The following CEP131 variants were observed in gnomAD, a reference collection of about 807,000 sequenced individuals.
CEP131 encodes the protein centrosomal protein 131, also known as centrosomal protein of 131 kDa.
Under a neutral mutation model 136.8 loss-of-function variants are expected in CEP131, and 99 were observed. The ratio of observed to expected loss-of-function variants is 0.72; its 90% CI spans 0.62 to 0.86. The LOEUF is 0.86. Among genes scored for constraint, CEP131 ranks in the 40% least tolerant of loss-of-function variants. CEP131 has a pLI of 0.00. For missense variants in CEP131, 1,459 were observed against 1,463.0 expected (o/e 1.00, Z 0.04); for synonymous variants, 646 against 612.7 (o/e 1.05, Z -0.80).
At chr17:81,192,686 T>TGGCCA in intron 19 of CEP131, 50 bp downstream of exon 19, 1 of 563,862 alleles carries the variant, frequency 1.8e-6, no homozygotes, top group Non-Finnish European at 3.2e-6. Context: ...GGGGGAGGGG[T>TGGCCA]CAGCCAGCGA....
intron 10 of CEP131, 110 bp downstream of exon 10, chr17:81,199,271 G>A (rs971949419): frequency 3.0e-5 from 39 of 1,302,926 alleles, no homozygotes; most frequent in African/African-American, 3.0e-4. Flanking sequence ...GACTGGGGCC[G>A]CCAACATGGG....
In CEP131 at chr17:81,193,907, GCCTGGGGCCACCACCCA is replaced by G; in HGVS notation, c.2321+2_2321+18del. The G allele has an allele frequency of 1.3e-6, 2 of 1,531,906 alleles. No individual in the cohort carries two copies. The highest frequency in any genetic ancestry group is 4.5e-4 in the Middle Eastern group (2 of 4,494). 94.9% of individuals were successfully genotyped at this position (1,531,906 alleles called of 1,614,324 possible). On this transcript the variant is annotated splice_donor_variant and splice_donor_5th_base_variant and intron_variant, in intron 18 of 25. Coordinates refer to ENST00000450824, the MANE Select transcript of CEP131 (RefSeq NM_014984.4). LOFTEE classifies it high-confidence loss of function. ...CGCCCTGAGGGTCCTGGCCCCACCG[GCCTGGGGCCACCACCCA>G]CCGCTGCCGAGCACGTTCGCGCTCC...
intron 1 of CEP131, among the ~76,000 whole-genome samples, chr17:81,220,860 C>T (rs1368057214): frequency 6.6e-6 from 1 of 151,810 alleles, no homozygotes; most frequent in East Asian, 2.0e-4. Flanking sequence ...CAGTGGCTCA[C>T]TCCTGTAATC....
chr17:81,198,414 T>G, intron 11 of CEP131, 117 bp from the exon 12 acceptor site: 3 of 1,103,398 alleles, frequency 2.7e-6, no homozygotes, highest in Admixed American at 2.8e-5. Flanking sequence ...AGTCCCGACA[T>G]TCAGCCCCAG....
At position 81,198,909 on chromosome 17, in the gene CEP131, C is replaced by G; in HGVS notation, c.1255G>C (p.Glu419Gln). 2.5e-6 allele frequency: 4 copies of G among 1,593,464 alleles called. No homozygotes were observed. Among genetic ancestry groups the G allele is most frequent in the Non-Finnish European group, 3.4e-6 (4 of 1,171,016 alleles). ...RCLPTSDSSP[E>Q]PQQPPEDRTQ... ...CTGTCCTCTGGAGGCTGCTGTGGTT[C>G]TGGGGATGAGTCGGAGGTGGGCAGG... The change falls in exon 11 of 26, where the codon GAA (glutamate) becomes CAA (glutamine). Residue 419 changes from glutamate (E) to glutamine (Q), a missense_variant. Around this residue, in one of 3 missense-constraint regions of CEP131, gnomAD observed 1,026 missense variants for 964.2 expected, o/e 1.06. Coordinates refer to ENST00000450824, the MANE Select transcript of CEP131 (RefSeq NM_014984.4).
intron 2 of CEP131, among the ~76,000 whole-genome samples, chr17:81,211,634 C>T (rs2062133100): frequency 6.6e-6 from 1 of 152,182 alleles, no homozygotes; most frequent in Non-Finnish European, 1.5e-5. Flanking sequence ...GCCTGAGGGT[C>T]TAAATACGTG....
At chr17:81,196,011 A>C in intron 15 of CEP131, 60 bp from the exon 16 acceptor site, 2 of 1,410,650 alleles carry the variant, frequency 1.4e-6, no homozygotes, top group Non-Finnish European at 2.0e-6. Context: ...AGGACCCCTG[A>C]TGGAGGAGAC....
In CEP131 at chr17:81,192,730, C is replaced by T. The variant is rs542754046; in HGVS notation, c.2429+6G>A. The T allele has an allele frequency of 1.7e-5, 27 of 1,543,648 alleles. No homozygotes were observed. The highest frequency in any genetic ancestry group is 5.0e-5 in the Admixed American group (3 of 59,504). On this transcript the variant is annotated splice_donor_region_variant and intron_variant, in intron 19 of 25. Coordinates refer to ENST00000450824, the MANE Select transcript of CEP131 (RefSeq NM_014984.4). The stretch of plus-strand genomic sequence containing the variant: ...TGGGAGAGGGCGTGGTGCCCCCGGG[C>T]GGCACCTGGCTGCCTGCTGGCCCAG...
rs370663526 is a variant in CEP131, at chr17:81,199,502, G to A, written c.1071C>T (p.Ala357=). Residue 357 remains alanine, a synonymous_variant, in exon 10 of 26, where the codon GCC becomes GCT. Transcript: ENST00000450824. ...TGGGATTCTCAGGTGGCCCACGCTC[G>A]GCAGTGCTCGCCTTCTGGGCTCTCA... ...RALRAQKAST[A]ERGPPENPRE... The A allele has an allele frequency of 3.0e-5, 48 of 1,608,480 alleles. No homozygotes were observed. Among genetic ancestry groups the A allele is most frequent in the South Asian group, 3.3e-5 (3 of 90,206 alleles).
intron 8 of CEP131, chr17:81,200,078 C>T (rs562040156): frequency 2.8e-5 from 17 of 608,756 alleles, no homozygotes; most frequent in South Asian, 2.2e-4. Flanking sequence ...CCCCACAGAA[C>T]GTCCTCCTGA....
rs946331737 is a variant in CEP131, at chr17:81,219,347, G to C, written c.177+533C>G. Among the ~76,000 whole-genome samples, 1 of 146,286 alleles carries C rather than the reference G, an allele frequency of 6.8e-6. No homozygotes were observed. Among genetic ancestry groups the C allele is most frequent in the African/African-American group, 2.5e-5 (1 of 39,342 alleles). ...TCTCACTCTGTCGCCAGGCTGGAGTGCAACGGCACGATCTCGGCTCACCGC... is the reference window on the plus strand; with the variant it reads ...TCTCACTCTGTCGCCAGGCTGGAGTCCAACGGCACGATCTCGGCTCACCGC... On this transcript the variant is annotated intron_variant, in intron 2 of 25. Coordinates refer to ENST00000450824, the MANE Select transcript of CEP131 (RefSeq NM_014984.4). This position sits in a 1 kb window ranked among gnomAD's most constrained non-coding sequence, Gnocchi z 4.0.
Position 81,202,477 on chromosome 17 carries a change from C to T in CEP131, c.630-79G>A, listed in dbSNP as rs1200951241. The T allele has an allele frequency of 9.9e-6, 15 of 1,522,744 alleles. No homozygotes were observed. The East Asian group carries it at 1.6e-4, about 16-fold the overall frequency. The allele number at this position is 1,522,744 out of a possible 1,614,324, so 94.3% of individuals were successfully genotyped here. On this transcript the variant is annotated intron_variant, in intron 6 of 25. Coordinates refer to ENST00000450824, the MANE Select transcript of CEP131 (RefSeq NM_014984.4). ...CCCACAGGCAGCAGGTGCCCACTCCCGGAAGTCCCAGGACTGAGCCTGGAA... is the reference window on the plus strand; with the variant it reads ...CCCACAGGCAGCAGGTGCCCACTCCTGGAAGTCCCAGGACTGAGCCTGGAA...
rs939917788 is a variant in CEP131, at chr17:81,206,862, G to A, written c.397C>T (p.Pro133Ser). ...TTGGATGGCAAGGTGAAGCCCCGGG[G>A]CTGGTCATCCTGTCAGACAGCTCAG... ...GATWNVLDDQ[P>S]RGFTLPSNAR... Residue 133 changes from proline (P) to serine (S), a missense_variant, in exon 5 of 26, where the codon CCC becomes TCC. By Grantham distance (74) the Pro-to-Ser change is moderately conservative (BLOSUM62 -1). This residue lies in a region of CEP131 where 246 missense variants were observed against 318.9 expected (regional missense o/e 0.77). Transcript: ENST00000450824. The A allele has an allele frequency of 6.2e-6, 10 of 1,613,448 alleles. No individual in the cohort carries two copies. Among genetic ancestry groups the A allele is most frequent in the Non-Finnish European group, 8.5e-6 (10 of 1,179,956 alleles).
chr17:81,190,103 T>C, intron 24 of CEP131, 128 bp from the exon 25 acceptor site: 1 of 834,998 alleles, frequency 1.2e-6, no homozygotes, highest in Non-Finnish European at 1.8e-6. Context: ...CCACGACTCC[T>C]GTGGCTGGCC....
At position 81,219,645 on chromosome 17, in the gene CEP131, G is replaced by A. The variant is rs947013885; in HGVS notation, c.177+235C>T. ...AACAAATCCAAAGGGCGGTGGCACA[G>A]GAGGCCTGGGGCTGTTGCTGAAAGA... On this transcript the variant is annotated intron_variant, in intron 2 of 25. Transcript: ENST00000450824. This position sits in a 1 kb window ranked among gnomAD's most constrained non-coding sequence, Gnocchi z 4.0. Among the ~76,000 whole-genome samples the A allele has an allele frequency of 6.6e-6, 1 of 152,152 alleles. No homozygotes were observed. Among genetic ancestry groups the A allele is most frequent in the Non-Finnish European group, 1.5e-5 (1 of 68,038 alleles).
At chr17:81,213,926 C>T (rs1457937433) in intron 2 of CEP131, among the ~76,000 whole-genome samples, 1 of 152,198 alleles carries the variant, frequency 6.6e-6, no homozygotes, top group African/African-American at 2.4e-5. Flanking sequence ...CAAGGGCCAA[C>T]AGGGGGCCAT....
At chr17:81,212,797 G>A (rs1219822814) in intron 2 of CEP131, among the ~76,000 whole-genome samples, 1 of 152,180 alleles carries the variant, frequency 6.6e-6, no homozygotes, top group Non-Finnish European at 1.5e-5. Flanking sequence ...GCCACTAGCG[G>A]CAGAGACATC....
At position 81,192,457 on chromosome 17, in the gene CEP131, C is replaced by G. The variant is rs1488410731; in HGVS notation, c.2547+19G>C. The stretch of plus-strand genomic sequence containing the variant: ...TGCAGCCCCCTGGCCAGGCCCAGCA[C>G]AGCCCTCCGGTGGTAGACCTGGTGC... On this transcript the variant is annotated intron_variant, in intron 20 of 25. Coordinates refer to ENST00000450824, the MANE Select transcript of CEP131 (RefSeq NM_014984.4). The G allele has an allele frequency of 6.2e-7, 1 of 1,611,996 alleles. No individual in the cohort carries two copies. Among genetic ancestry groups the G allele is most frequent in the Non-Finnish European group, 8.5e-7 (1 of 1,179,818 alleles).
chr17:81,211,245 G>A (rs755477226), intron 2 of CEP131, among the ~76,000 whole-genome samples: 15 of 152,360 alleles, frequency 9.8e-5, no homozygotes, highest in South Asian at 8.3e-4. Context: ...TGCTCCCAGG[G>A]CCCCAAACTG....
Sources: allele counts gnomAD v4.1 joint callset (sites outside exome capture counted in the v4.1 genomes callset), GRCh38; gene constraint gnomAD v4.1.1; regional missense constraint gnomAD v4.1.1; non-coding constraint Gnocchi (gnomAD v3.1); transcripts MANE v1.5; gene names NCBI Gene and HGNC (gene_info 2026-07-23, HGNC 2026-07-21).